The following VWA8 variants were observed in gnomAD, a reference collection of about 807,000 sequenced individuals.
VWA8 encodes von Willebrand factor A domain containing 8.
In VWA8, 221 loss-of-function variants were observed where a neutral mutation model predicts 241.5. The ratio of observed to expected loss-of-function variants is 0.91; its 90% CI spans 0.82 to 1.02. VWA8 has a LOEUF of 1.02. Ranked by LOEUF, VWA8 falls within the 50% of genes least tolerant of loss-of-function variation. The pLI, the probability that VWA8 is intolerant of heterozygous loss-of-function variation, is 0.00. For missense variants in VWA8, 2,322 were observed against 2,328.7 expected (o/e 1.00, Z 0.06); for synonymous variants, 852 against 827.1 (o/e 1.03, Z -0.52).
intron 34 of VWA8, among the ~76,000 whole-genome samples, chr13:41,689,001 A>C (rs2045156580): frequency 6.6e-6 from 1 of 152,150 alleles, no homozygotes; most frequent in Admixed American, 6.6e-5. Context: ...AATATATAGA[A>C]TGTGTAGATG....
In VWA8 at chr13:41,611,731, C is replaced by T; in HGVS notation, c.4722G>A (p.Gly1574=). 3 of 1,613,354 alleles carry T rather than the reference C, an allele frequency of 1.9e-6. No homozygotes were observed. Among genetic ancestry groups the T allele is most frequent in the East Asian group, 2.2e-5 (1 of 44,868 alleles). ...VGGNTWAGGT[G]GRDTAGLGGK... The stretch of plus-strand genomic sequence containing the variant: ...CACCCAGGCCTGCCGTGTCTCTTCC[C>T]CCTGGAAGGAAAACGTGGAAATTCA... Residue 1574 remains glycine (G), a splice_region_variant and synonymous_variant, in exon 39 of 45, where the codon GGG becomes GGA. Coordinates refer to ENST00000379310, the MANE Select transcript of VWA8 (RefSeq NM_015058.2).
chr13:41,927,964 TAATAA>T (rs1876928718), intron 2 of VWA8, among the ~76,000 whole-genome samples: 1 of 152,156 alleles, frequency 6.6e-6, no homozygotes, highest in Non-Finnish European at 1.5e-5. Flanking sequence ...TACTAATATC[TAATAA>T]AATAGACTTC....
intron 16 of VWA8, among the ~76,000 whole-genome samples, chr13:41,814,063 A>G (rs909171355): frequency 5.3e-5 from 8 of 152,186 alleles, no homozygotes; most frequent in African/African-American, 1.7e-4. Context: ...TCATTTTTAT[A>G]AAAGAATGAA....
intron 2 of VWA8, among the ~76,000 whole-genome samples, chr13:41,923,299 C>T (rs138562917): frequency 0.018 from 2,667 of 151,402 alleles, 84 homozygotes; most frequent in African/African-American, 0.06. Context: ...GTGGGGGGAG[C>T]GGGGAGGGAT....
chr13:41,886,456 C>T (rs74698735), intron 7 of VWA8, among the ~76,000 whole-genome samples: 3,582 of 152,148 alleles, frequency 0.024, 152 homozygotes, highest in African/African-American at 0.08. Flanking sequence ...CTGGCAAAAA[C>T]TTGCTCATTA....
chr13:41,878,423 C>CTT (rs200400485), intron 9 of VWA8, among the ~76,000 whole-genome samples: 22 of 145,596 alleles, frequency 1.5e-4, no homozygotes, highest in Non-Finnish European at 2.3e-4. Flanking sequence ...CTCTTCCACT[C>CTT]TTTTTTTTTT....
intron 1 of VWA8, among the ~76,000 whole-genome samples, chr13:41,955,480 A>G (rs1471001704): frequency 1.3e-5 from 2 of 152,198 alleles, no homozygotes; most frequent in African/African-American, 4.8e-5. Flanking sequence ...GTATGCAGCC[A>G]TTCATTGAGC....
intron 24 of VWA8, among the ~76,000 whole-genome samples, chr13:41,726,016 T>C (rs945590353): frequency 3.3e-5 from 5 of 152,216 alleles, no homozygotes; most frequent in African/African-American, 1.2e-4. Flanking sequence ...TCTATGCATA[T>C]ACAAGCATAT....
At chr13:41,633,504 G>C (rs1405038262) in intron 37 of VWA8, among the ~76,000 whole-genome samples, 1 of 152,198 alleles carries the variant, frequency 6.6e-6, no homozygotes, top group Admixed American at 6.5e-5. Context: ...TGGAACTTAT[G>C]GGGGCAAGTT....
chr13:41,658,572 T>A lies in VWA8; in HGVS notation c.4611+12374A>T, dbSNP rs115318427. ...CCAACTTTCCTGGTTCCTTCAGTGA[T>A]CTGCCTTTTTGCCAGACATCCAAAC... On this transcript the variant is annotated intron_variant, in intron 37 of 44. Coordinates refer to ENST00000379310, the MANE Select transcript of VWA8 (RefSeq NM_015058.2). Among the ~76,000 whole-genome samples the A allele has an allele frequency of 5.3e-3, 803 of 152,354 alleles. 5 individuals carry two copies. Among genetic ancestry groups the A allele is most frequent in the African/African-American group, 0.018 (766 of 41,574 alleles).
intron 4 of VWA8, among the ~76,000 whole-genome samples, chr13:41,903,439 G>A (rs937464852): frequency 1.4e-4 from 21 of 152,254 alleles, no homozygotes; most frequent in Admixed American, 1.4e-3. Flanking sequence ...CATGGGAGCA[G>A]GGAAATAGGT....
chr13:41,822,662 A>G (rs553850343), intron 14 of VWA8, among the ~76,000 whole-genome samples: 1 of 152,332 alleles, frequency 6.6e-6, no homozygotes, highest in Non-Finnish European at 1.5e-5. Flanking sequence ...CTTGGTCCTG[A>G]ATAAATATGT....
intron 2 of VWA8, among the ~76,000 whole-genome samples, chr13:41,934,891 T>C (rs1877280488): frequency 6.6e-6 from 1 of 152,054 alleles, no homozygotes; most frequent in Admixed American, 6.6e-5. Context: ...ATGTGCAGTG[T>C]ATTGCATGTC....
chr13:41,596,236 T>C (rs1296037613), intron 40 of VWA8, among the ~76,000 whole-genome samples: 2 of 152,102 alleles, frequency 1.3e-5, no homozygotes, highest in Non-Finnish European at 2.9e-5. Context: ...AGTATGTAAC[T>C]TGCAGATAAA....
chr13:41,608,822 G>A (rs569360585), intron 39 of VWA8, among the ~76,000 whole-genome samples: 2 of 152,238 alleles, frequency 1.3e-5, no homozygotes, highest in East Asian at 3.9e-4. Flanking sequence ...CTCTCTGTTA[G>A]TCTGCCTGAG....
At chr13:41,833,077 C>A in intron 13 of VWA8, among the ~76,000 whole-genome samples, 1 of 151,994 alleles carries the variant, frequency 6.6e-6, no homozygotes, top group East Asian at 1.9e-4. Flanking sequence ...CATATATAGA[C>A]CTGTATATAT....
intron 37 of VWA8, among the ~76,000 whole-genome samples, chr13:41,651,306 T>C (rs1292165451): frequency 2.6e-5 from 4 of 152,264 alleles, no homozygotes; most frequent in African/African-American, 9.6e-5. Context: ...GCATTGTATC[T>C]GTAAATTGCT....
intron 27 of VWA8, among the ~76,000 whole-genome samples, chr13:41,702,262 C>T (rs1320916863): frequency 6.6e-6 from 1 of 152,174 alleles, no homozygotes; most frequent in East Asian, 1.9e-4. Flanking sequence ...ATATTGGCAT[C>T]CATGTCCCCC....
intron 9 of VWA8, among the ~76,000 whole-genome samples, chr13:41,874,762 A>T (rs1395679362): frequency 6.6e-6 from 1 of 152,104 alleles, no homozygotes; most frequent in African/African-American, 2.4e-5. Flanking sequence ...TTAAGTACTG[A>T]AAGTGAAATT....
Sources: allele counts gnomAD v4.1 joint callset (sites outside exome capture counted in the v4.1 genomes callset), GRCh38; gene constraint gnomAD v4.1.1; transcripts MANE v1.5; gene names NCBI Gene and HGNC (gene_info 2026-07-23, HGNC 2026-07-21).